PHLPP1: variants seen among roughly 807,000 people sequenced by gnomAD.
The protein encoded by PHLPP1 is PH domain and leucine rich repeat protein phosphatase 1.
A neutral mutation model predicts 117.2 loss-of-function variants in PHLPP1; 42 were observed. The ratio of observed to expected loss-of-function variants is 0.36; its 90% CI spans 0.28 to 0.46. The LOEUF is 0.46. Among genes scored for constraint, PHLPP1 ranks in the 20% least tolerant of loss-of-function variants. PHLPP1 has a pLI of 1.00. For missense variants in PHLPP1, 2,084 were observed against 2,241.9 expected, an observed-to-expected ratio of 0.93 and a Z score of 1.42; for synonymous variants, 1,042 against 970.7, an observed-to-expected ratio of 1.07 and a Z score of -1.37.
At chr18:62,772,563 C>T (rs1376851377) in intron 1 of PHLPP1, among the ~76,000 whole-genome samples, 1 of 152,014 alleles carries the variant, frequency 6.6e-6, no homozygotes, top group Non-Finnish European at 1.5e-5. Flanking sequence ...GGCATGCTGG[C>T]TCATGCCTGT....
intron 4 of PHLPP1, among the ~76,000 whole-genome samples, chr18:62,872,355 G>C (rs758523070): frequency 1.3e-5 from 2 of 152,188 alleles, no homozygotes; most frequent in Non-Finnish European, 2.9e-5. Context: ...CTGCTACATA[G>C]AGGGCATCTT....
intron 1 of PHLPP1, among the ~76,000 whole-genome samples, chr18:62,772,776 A>G (rs1912826985): frequency 6.9e-6 from 1 of 144,402 alleles, no homozygotes; most frequent in Non-Finnish European, 1.5e-5. Flanking sequence ...GGTTACAGTG[A>G]GCTGAGATTG....
chr18:62,853,278 A>C lies in PHLPP1; in HGVS notation c.1900-7157A>C, dbSNP rs140817725. Among the ~76,000 whole-genome samples the C allele has an allele frequency of 2.4e-4, 37 of 152,174 alleles. No homozygotes were observed. In the East Asian group the frequency reaches 6.2e-3, roughly 25 times the overall value. On this transcript the variant is annotated intron_variant, in intron 3 of 16. Coordinates refer to ENST00000262719, the MANE Select transcript of PHLPP1 (RefSeq NM_194449.4). ...TTATGTTCATTTTGATGTATCTCTCAGGGTGTGTCCATCGTGGTAGAAAAG... is the reference window on the plus strand; with the variant it reads ...TTATGTTCATTTTGATGTATCTCTCCGGGTGTGTCCATCGTGGTAGAAAAG...
chr18:62,880,183 C>T (rs190388547), intron 4 of PHLPP1, among the ~76,000 whole-genome samples: 2 of 151,352 alleles, frequency 1.3e-5, no homozygotes, highest in Middle Eastern at 3.2e-3. Flanking sequence ...TTTATTATAC[C>T]TAGGAAACTT....
chr18:62,877,321 T>A (rs893963606), intron 4 of PHLPP1, among the ~76,000 whole-genome samples: 1 of 152,228 alleles, frequency 6.6e-6, no homozygotes, highest in Non-Finnish European at 1.5e-5. Context: ...ATAGTGATAA[T>A]TCATTAGCAT....
chr18:62,963,163 G>A (rs1430483102), intron 13 of PHLPP1, among the ~76,000 whole-genome samples: 2 of 152,142 alleles, frequency 1.3e-5, no homozygotes, highest in Non-Finnish European at 2.9e-5. Flanking sequence ...ACTAATTTTC[G>A]TGCTCTGTAT....
chr18:62,918,320 A>G (rs1192426423), intron 9 of PHLPP1, among the ~76,000 whole-genome samples: 1 of 151,684 alleles, frequency 6.6e-6, no homozygotes, highest in Non-Finnish European at 1.5e-5. Context: ...GAATTGAACT[A>G]AACCCAATAA....
intron 1 of PHLPP1, among the ~76,000 whole-genome samples, chr18:62,785,071 A>T (rs1913238806): frequency 6.6e-6 from 1 of 152,234 alleles, no homozygotes; most frequent in African/African-American, 2.4e-5. Flanking sequence ...TCTCAATTTT[A>T]AAGGACTGTA....
At position 62,940,354 on chromosome 18, in the gene PHLPP1, C is replaced by CTTTTTTTTTTTTT. The variant is rs66530466; in HGVS notation, c.2961-1348_2961-1336dup. 1.9e-3 allele frequency among the ~76,000 whole-genome samples: 88 copies of CTTTTTTTTTTTTT among 46,832 alleles called. 7 individuals carry two copies. The highest frequency in any genetic ancestry group is 2.2e-3 in the Non-Finnish European group (61 of 27,332). 30.7% of individuals were successfully genotyped at this position (46,832 alleles called of 152,430 possible). On this transcript the variant is annotated intron_variant, in intron 10 of 16. Coordinates refer to ENST00000262719, the MANE Select transcript of PHLPP1 (RefSeq NM_194449.4). The stretch of plus-strand genomic sequence containing the variant: ...ATCCACGTTTCTTTTTCTTTCTTTT[C>CTTTTTTTTTTTTT]TTTTTTTTTTTTTTTTTTTTTTTTT...
At chr18:62,939,063 T>C (rs1910055869) in intron 10 of PHLPP1, among the ~76,000 whole-genome samples, 1 of 150,226 alleles carries the variant, frequency 6.7e-6, no homozygotes, top group African/African-American at 2.4e-5. Context: ...CAGTCTTGGC[T>C]CATTGCAACC....
At chr18:62,936,232 A>C (rs1330490824) in intron 10 of PHLPP1, among the ~76,000 whole-genome samples, 1 of 152,196 alleles carries the variant, frequency 6.6e-6, no homozygotes, top group Non-Finnish European at 1.5e-5. Flanking sequence ...GTGAGCAAAA[A>C]GTACACAATG....
intron 10 of PHLPP1, among the ~76,000 whole-genome samples, chr18:62,922,175 G>A (rs1346294540): frequency 1.3e-5 from 2 of 152,030 alleles, no homozygotes; most frequent in Non-Finnish European, 2.9e-5. Flanking sequence ...TAGCTTTGTG[G>A]CCCAGGCTTG....
chr18:62,801,845 C>T (rs577817749), intron 1 of PHLPP1, among the ~76,000 whole-genome samples: 1 of 152,274 alleles, frequency 6.6e-6, no homozygotes, highest in East Asian at 1.9e-4. Context: ...CATTTTCTTA[C>T]CTATGTCTTG....
intron 3 of PHLPP1, among the ~76,000 whole-genome samples, chr18:62,858,494 C>T (rs1915554492): frequency 6.6e-6 from 1 of 152,140 alleles, no homozygotes; most frequent in Non-Finnish European, 1.5e-5. Context: ...AACTTCTGAC[C>T]TCAAATGATC....
At chr18:62,791,301 G>A (rs1013825164) in intron 1 of PHLPP1, among the ~76,000 whole-genome samples, 38 of 152,126 alleles carry the variant, frequency 2.5e-4, no homozygotes, top group Admixed American at 6.5e-4. Flanking sequence ...AGCAGAAGCA[G>A]AGGCAGGCAT....
chr18:62,763,254 C>A (rs1912319035), intron 1 of PHLPP1, among the ~76,000 whole-genome samples: 1 of 152,122 alleles, frequency 6.6e-6, no homozygotes, highest in South Asian at 2.1e-4. Context: ...TTTGAGTGTC[C>A]TTTTTTCTGC....
chr18:62,869,703 A>G (rs962656875), intron 4 of PHLPP1, among the ~76,000 whole-genome samples: 9 of 152,206 alleles, frequency 5.9e-5, no homozygotes, highest in Non-Finnish European at 1.3e-4. Flanking sequence ...TAAGGCAGTG[A>G]TTTTGATTTG....
At chr18:62,767,501 G>A (rs1260082185) in intron 1 of PHLPP1, among the ~76,000 whole-genome samples, 1 of 152,078 alleles carries the variant, frequency 6.6e-6, no homozygotes, top group Non-Finnish European at 1.5e-5. Flanking sequence ...GAAAAGTTAC[G>A]GCCCATATAT....
At chr18:62,785,303 C>G (rs533649302) in intron 1 of PHLPP1, among the ~76,000 whole-genome samples, 6 of 152,256 alleles carry the variant, frequency 3.9e-5, no homozygotes, top group African/African-American at 1.4e-4. Flanking sequence ...ACATCTGAAG[C>G]AGTGTTAAGA....
Sources: gnomAD v4.1 joint callset for allele counts (sites outside exome capture counted in the v4.1 genomes callset) on GRCh38, gnomAD v4.1.1 for gene constraint, MANE v1.5 for transcripts, NCBI Gene and HGNC (gene_info 2026-07-23, HGNC 2026-07-21) for gene names.